SLC24A4: variants seen among roughly 807,000 people sequenced by gnomAD.
SLC24A4 encodes the protein sodium/potassium/calcium exchanger 4.
Under a neutral mutation model 79.0 loss-of-function variants are expected in SLC24A4, and 53 were observed. That is an observed-to-expected ratio of 0.67 (90% CI 0.54 to 0.84). The LOEUF (loss-of-function observed/expected upper bound fraction) is 0.84, where lower values mean the gene tolerates loss of function less well. Among genes scored for constraint, SLC24A4 ranks in the 40% least tolerant of loss-of-function variants. The pLI, the probability that SLC24A4 is intolerant of heterozygous loss-of-function variation, is 0.00. For missense variants in SLC24A4, 731 were observed against 822.0 expected (o/e 0.89, Z 1.35); for synonymous variants, 323 against 323.8 (o/e 1.00, Z 0.03).
At chr14:92,412,010 C>T (rs973300633) in intron 2 of SLC24A4, among the ~76,000 whole-genome samples, 8 of 152,082 alleles carry the variant, frequency 5.3e-5, no homozygotes, top group Non-Finnish European at 1.0e-4. Flanking sequence ...CTGAGAAGTC[C>T]GGGGCCCGCT....
chr14:92,352,867 C>A (rs932228174), intron 2 of SLC24A4, among the ~76,000 whole-genome samples: 4 of 152,170 alleles, frequency 2.6e-5, no homozygotes, highest in African/African-American at 9.7e-5. Context: ...CAGGAAATGC[C>A]ATCATCCATC....
At chr14:92,387,112 G>A (rs1460147470) in intron 2 of SLC24A4, among the ~76,000 whole-genome samples, 2 of 151,958 alleles carry the variant, frequency 1.3e-5, no homozygotes, top group Non-Finnish European at 2.9e-5. Flanking sequence ...CAGTAGGGGT[G>A]GGGTGGGGGT....
At chr14:92,348,404 C>T (rs1475062622) in intron 2 of SLC24A4, among the ~76,000 whole-genome samples, 1 of 152,238 alleles carries the variant, frequency 6.6e-6, no homozygotes, top group East Asian at 1.9e-4. Flanking sequence ...CTTTGCGGAT[C>T]ATACAGTTTC....
intron 2 of SLC24A4, among the ~76,000 whole-genome samples, chr14:92,393,545 CTTTT>C (rs5810597): frequency 2.7e-5 from 3 of 112,476 alleles, no homozygotes; most frequent in Admixed American, 1.0e-4. Context: ...AAGACACACT[CTTTT>C]TTTTTTTTTT....
At chr14:92,400,236 C>G (rs987557949) in intron 2 of SLC24A4, among the ~76,000 whole-genome samples, 27 of 152,000 alleles carry the variant, frequency 1.8e-4, no homozygotes, top group Admixed American at 1.4e-3. Flanking sequence ...GTCAGGAGAT[C>G]GAGAACATCC....
chr14:92,333,613 T>G (rs1049151179), intron 2 of SLC24A4, among the ~76,000 whole-genome samples: 3 of 152,198 alleles, frequency 2.0e-5, no homozygotes, highest in Non-Finnish European at 2.9e-5. Context: ...CTGAGCTGTG[T>G]GTCCACAGAA....
intron 2 of SLC24A4, among the ~76,000 whole-genome samples, chr14:92,345,427 G>A (rs546659992): frequency 3.9e-5 from 6 of 152,218 alleles, no homozygotes; most frequent in Non-Finnish European, 8.8e-5. Context: ...CAGGCCAGGT[G>A]TAGTGGCTCA....
At chr14:92,422,005 T>A (rs1891309105) in intron 2 of SLC24A4, among the ~76,000 whole-genome samples, 2 of 152,250 alleles carry the variant, frequency 1.3e-5, no homozygotes, top group South Asian at 4.1e-4. Context: ...TGCGTGTAGC[T>A]GCAAACAAAC....
chr14:92,474,849 A>ATATATATATG (rs1894665277), intron 12 of SLC24A4, among the ~76,000 whole-genome samples: 1 of 8,886 alleles, frequency 1.1e-4, no homozygotes, highest in Non-Finnish European at 4.7e-4. Context: ...GTGTGTATAT[A>ATATATATATG]TATATATATA....
intron 2 of SLC24A4, among the ~76,000 whole-genome samples, chr14:92,406,150 A>T (rs1196127529): frequency 1.3e-5 from 2 of 152,246 alleles, no homozygotes; most frequent in Non-Finnish European, 2.9e-5. Context: ...GCAGTCATTA[A>T]ATCTTAAAGC....
At position 92,343,653 on chromosome 14, in the gene SLC24A4, TTTCCTTCCTTCC is replaced by T. The variant is rs34220155; in HGVS notation, c.241+17714_241+17725del. Among the ~76,000 whole-genome samples, 233 of 34,252 alleles carry T rather than the reference TTTCCTTCCTTCC, an allele frequency of 6.8e-3. 2 individuals are homozygous for T. Among genetic ancestry groups the T allele is most frequent in the Middle Eastern group, 0.028 (2 of 72 alleles). The allele number at this position is 34,252 out of a possible 152,430, so 22.5% of individuals were successfully genotyped here. A position where few individuals can be genotyped will look rare whatever the true frequency, so the allele number is the denominator to read the frequency against. ...CTTTCTTTCTTTCTCTCTTTCCTTCTTTCCTTCCTTCCTTCCTTCCTTCCTTCCTTCCTTCCT... is the reference window on the plus strand; with the variant it reads ...CTTTCTTTCTTTCTCTCTTTCCTTCTTTCCTTCCTTCCTTCCTTCCTTCCT... On this transcript the variant is annotated intron_variant, in intron 2 of 16. Coordinates refer to ENST00000532405, the MANE Select transcript of SLC24A4 (RefSeq NM_153646.4).
chr14:92,459,368 A>C (rs1189973096), intron 12 of SLC24A4, among the ~76,000 whole-genome samples: 1 of 152,126 alleles, frequency 6.6e-6, no homozygotes, highest in Non-Finnish European at 1.5e-5. Flanking sequence ...GCTGTCTTGC[A>C]AGGGCTGGAA....
chr14:92,465,726 G>T (rs571612856), intron 12 of SLC24A4, among the ~76,000 whole-genome samples: 1 of 152,018 alleles, frequency 6.6e-6, no homozygotes, highest in South Asian at 2.1e-4. Flanking sequence ...AGCCAAGGCT[G>T]CCTCCCCTAG....
chr14:92,388,283 T>A (rs61975646), intron 2 of SLC24A4, among the ~76,000 whole-genome samples: 79 of 152,238 alleles, frequency 5.2e-4, no homozygotes, highest in Admixed American at 4.6e-3. Context: ...ATTTAAGGTG[T>A]GACGCATAAA....
chr14:92,492,306 C>G (rs531921281), intron 16 of SLC24A4, 66 bp downstream of exon 16: 2 of 1,474,574 alleles, frequency 1.4e-6, no homozygotes, highest in African/African-American at 2.8e-5. Context: ...TCCGCCTCGT[C>G]ACTTACGTGA....
At chr14:92,444,390 T>G (rs1362504694) in intron 7 of SLC24A4, among the ~76,000 whole-genome samples, 1 of 152,178 alleles carries the variant, frequency 6.6e-6, no homozygotes, top group Admixed American at 6.5e-5. Flanking sequence ...GGCTGGCACC[T>G]AAGCCCCGTG....
chr14:92,442,719 T>A lies in SLC24A4; in HGVS notation c.485T>A (p.Phe162Tyr). 1.2e-6 allele frequency: 2 copies of A among 1,613,066 alleles called. No individual in the cohort carries two copies. The highest frequency in any genetic ancestry group is 8.5e-7 in the Non-Finnish European group (1 of 1,179,054). ...CTGTGTGTTTCCTTTCCAGGGGTGT[T>A]CATCACCCATGGGGACGTCGGGGTG... ...PELFASVIGV[F>Y]ITHGDVGVGT... The change falls in exon 6 of 17, where the codon TTC becomes TAC. Residue 162 changes from phenylalanine (F) to tyrosine (Y), a missense_variant. By Grantham distance (22) the Phe-to-Tyr change is conservative (BLOSUM62 3). Transcript: ENST00000532405.
At chr14:92,432,833 C>G (rs942227633) in intron 2 of SLC24A4, among the ~76,000 whole-genome samples, 1 of 151,940 alleles carries the variant, frequency 6.6e-6, no homozygotes, top group Non-Finnish European at 1.5e-5. Context: ...GCTTAGGGCC[C>G]AATTATATTT....
chr14:92,390,681 A>G (rs1889412573), intron 2 of SLC24A4, among the ~76,000 whole-genome samples: 1 of 152,098 alleles, frequency 6.6e-6, no homozygotes, highest in Non-Finnish European at 1.5e-5. Flanking sequence ...TTTCTATGCT[A>G]TTGAACTTAC....
Sources: gnomAD v4.1 joint callset for allele counts (sites outside exome capture counted in the v4.1 genomes callset) on GRCh38, gnomAD v4.1.1 for gene constraint, MANE v1.5 for transcripts, NCBI Gene and HGNC (gene_info 2026-07-23, HGNC 2026-07-21) for gene names.